The following MAGI2 variants were observed in gnomAD, a reference collection of about 807,000 sequenced individuals.
MAGI2 encodes membrane associated guanylate kinase, WW and PDZ domain containing 2, also known as membrane-associated guanylate kinase, WW and PDZ domain-containing protein 2.
In MAGI2, 35 loss-of-function variants were observed where a neutral mutation model predicts 133.3. The observed-to-expected ratio is 0.26, with a 90% CI of 0.20 to 0.35. The LOEUF is 0.35. Ranked by LOEUF, MAGI2 falls within the 10% of genes least tolerant of loss-of-function variation. The pLI is 1.00. For synonymous variants in MAGI2, 729 were observed against 710.6 expected (o/e 1.03, Z -0.41); for missense variants, 1,636 against 1,863.4 (o/e 0.88, Z 2.25).
chr7:78,707,691 T>C (rs1027451667), intron 2 of MAGI2, among the ~76,000 whole-genome samples: 2 of 152,146 alleles, frequency 1.3e-5, no homozygotes, highest in South Asian at 2.1e-4. Flanking sequence ...TATCTCATTA[T>C]AGAGTTTCCT....
At position 78,633,189 on chromosome 7, in the gene MAGI2, G is replaced by T. The variant is rs1443720576; in HGVS notation, c.419-5950C>A. Among the ~76,000 whole-genome samples, 6 of 152,166 alleles carry T rather than the reference G, an allele frequency of 3.9e-5. 1 individual carries two copies. Among genetic ancestry groups the T allele is most frequent in the Non-Finnish European group, 8.8e-5 (6 of 68,028 alleles). On this transcript the variant is annotated intron_variant, in intron 2 of 21. Coordinates refer to ENST00000354212, the MANE Select transcript of MAGI2 (RefSeq NM_012301.4). ...TCTCACTTATAAGTGGGAGCTAAAT[G>T]GTGAGAACTTAGGAACACAAAGTAG...
chr7:78,531,796 T>G (rs958188078), intron 3 of MAGI2, among the ~76,000 whole-genome samples: 1 of 152,204 alleles, frequency 6.6e-6, no homozygotes, highest in Non-Finnish European at 1.5e-5. Flanking sequence ...ATTATAAAAT[T>G]GCGAAGAAAT....
chr7:79,098,850 G>C (rs918243525), intron 1 of MAGI2, among the ~76,000 whole-genome samples: 1 of 152,146 alleles, frequency 6.6e-6, no homozygotes, highest in African/African-American at 2.4e-5. Context: ...AGAAAGGGGA[G>C]GGTTATTGTT....
chr7:78,476,761 G>A (rs992160295), intron 6 of MAGI2, among the ~76,000 whole-genome samples: 9 of 151,908 alleles, frequency 5.9e-5, no homozygotes, highest in African/African-American at 2.2e-4. Context: ...CAGTAACATG[G>A]ATAGCTGTGT....
intron 3 of MAGI2, among the ~76,000 whole-genome samples, chr7:78,550,017 T>C (rs1158316117): frequency 6.6e-6 from 1 of 152,186 alleles, no homozygotes; most frequent in Non-Finnish European, 1.5e-5. Flanking sequence ...GATTAGTGCC[T>C]TTACAAAAGA....
At chr7:79,338,896 T>A (rs918054577) in intron 1 of MAGI2, among the ~76,000 whole-genome samples, 1 of 152,150 alleles carries the variant, frequency 6.6e-6, no homozygotes, top group African/African-American at 2.4e-5. Context: ...TGATTCTTGA[T>A]TCAGCATTCA....
rs149885557 is a variant in MAGI2, at chr7:79,113,906, T to G, written c.302-106700A>C. The stretch of plus-strand genomic sequence containing the variant: ...ACTTGACTATTTCTATCTTGAATTA[T>G]ATTACCTTTCAGAGGCCCTGACCAT... On this transcript the variant is annotated intron_variant, in intron 1 of 21. Transcript: ENST00000354212. Among the ~76,000 whole-genome samples, 627 of 152,302 alleles carry G rather than the reference T, an allele frequency of 4.1e-3. 7 individuals are homozygous for G. Among genetic ancestry groups the G allele is most frequent in the African/African-American group, 0.015 (604 of 41,564 alleles).
At chr7:78,927,643 C>G (rs891113639) in intron 2 of MAGI2, among the ~76,000 whole-genome samples, 1 of 151,854 alleles carries the variant, frequency 6.6e-6, no homozygotes, top group South Asian at 2.1e-4. Flanking sequence ...AAACTCTTTC[C>G]TTTTTTTAGC....
At chr7:79,304,219 G>C (rs968294419) in intron 1 of MAGI2, among the ~76,000 whole-genome samples, 2 of 144,926 alleles carry the variant, frequency 1.4e-5, no homozygotes, top group South Asian at 2.2e-4. Context: ...GTGTGTGTGT[G>C]TGTGTGTGTG....
chr7:78,769,482 T>C (rs893009911), intron 2 of MAGI2, among the ~76,000 whole-genome samples: 1 of 140,498 alleles, frequency 7.1e-6, no homozygotes, highest in Non-Finnish European at 1.5e-5. Context: ...TGTACTGAAG[T>C]AAAACCGTCA....
At chr7:79,269,034 T>C (rs372845764) in intron 1 of MAGI2, among the ~76,000 whole-genome samples, 1 of 152,080 alleles carries the variant, frequency 6.6e-6, no homozygotes, top group African/African-American at 2.4e-5. Context: ...GTGGAGTTGA[T>C]GAAAGAGGGA....
intron 6 of MAGI2, among the ~76,000 whole-genome samples, chr7:78,377,894 A>G (rs1794597627): frequency 6.6e-6 from 1 of 151,662 alleles, no homozygotes; most frequent in South Asian, 2.1e-4. Flanking sequence ...AATGATAGCC[A>G]AAACAATTCA....
At chr7:78,561,575 A>G (rs1463320838) in intron 3 of MAGI2, among the ~76,000 whole-genome samples, 1 of 151,704 alleles carries the variant, frequency 6.6e-6, no homozygotes, top group Admixed American at 6.6e-5. Context: ...AGGAAAGAAG[A>G]CTTTAGACCA....
chr7:78,290,403 T>C (rs907193971), intron 9 of MAGI2, among the ~76,000 whole-genome samples: 1 of 152,190 alleles, frequency 6.6e-6, no homozygotes, highest in Non-Finnish European at 1.5e-5. Context: ...CTAACTATCC[T>C]AAATATATAT....
intron 1 of MAGI2, among the ~76,000 whole-genome samples, chr7:79,163,550 T>C (rs1378370777): frequency 6.6e-6 from 1 of 152,110 alleles, no homozygotes; most frequent in Non-Finnish European, 1.5e-5. Context: ...GTCATACCTA[T>C]GGAGATAAAT....
At chr7:78,484,551 A>AC (rs1006859092) in intron 6 of MAGI2, 1 of 151,852 alleles carries the variant, frequency 6.6e-6, no homozygotes, top group Admixed American at 6.6e-5. Flanking sequence ...GAAGGGGGAA[A>AC]CCCCCCAGTG....
intron 2 of MAGI2, among the ~76,000 whole-genome samples, chr7:78,876,096 GT>G (rs1305924748): frequency 6.6e-6 from 1 of 152,076 alleles, no homozygotes; most frequent in African/African-American, 2.4e-5. Context: ...GCCAAGGCAG[GT>G]GGATCACAAG....
intron 1 of MAGI2, among the ~76,000 whole-genome samples, chr7:79,294,415 T>A (rs370071540): frequency 6.6e-6 from 1 of 151,164 alleles, no homozygotes; most frequent in African/African-American, 2.4e-5. Flanking sequence ...ATCTCACCGA[T>A]TGAACCTTAG....
intron 1 of MAGI2, among the ~76,000 whole-genome samples, chr7:79,313,000 A>AT (rs1243166801): frequency 1.3e-5 from 2 of 152,136 alleles, no homozygotes; most frequent in African/African-American, 4.8e-5. Flanking sequence ...TGAAGTCAAC[A>AT]TTTTTTATTA....
Sources: allele counts gnomAD v4.1 joint callset (sites outside exome capture counted in the v4.1 genomes callset), GRCh38; gene constraint gnomAD v4.1.1; transcripts MANE v1.5; gene names NCBI Gene and HGNC (gene_info 2026-07-23, HGNC 2026-07-21).